The following DDHD1 variants were observed in gnomAD, a reference collection of about 807,000 sequenced individuals.
DDHD1 encodes the protein phospholipase DDHD1.
Under a neutral mutation model 96.4 loss-of-function variants are expected in DDHD1, and 49 were observed. The ratio of observed to expected loss-of-function variants is 0.51; its 90% CI spans 0.40 to 0.64. The LOEUF is 0.64. DDHD1 is among the 30% of genes least tolerant of loss of function. The pLI, the probability that DDHD1 is intolerant of heterozygous loss-of-function variation, is 0.00. For synonymous variants in DDHD1, 442 were observed against 446.5 expected, an observed-to-expected ratio of 0.99 and a Z score of 0.13; for missense variants, 1,106 against 1,161.2, an observed-to-expected ratio of 0.95 and a Z score of 0.69.
chr14:53,062,644 G>T (rs1883685662), intron 7 of DDHD1, among the ~76,000 whole-genome samples: 1 of 152,060 alleles, frequency 6.6e-6, no homozygotes. Context: ...TTTCAATAAG[G>T]ATTCTATGCA....
In DDHD1 at chr14:53,152,370, C is replaced by T. The variant is rs113642168; in HGVS notation, c.729G>A (p.Gly243=). Residue 243 remains glycine (G), a synonymous_variant, in exon 1 of 13, where the codon GGG becomes GGA. Coordinates refer to ENST00000673822, the MANE Select transcript of DDHD1 (RefSeq NM_001160148.2). ...CAAGCTCCACCATCTCCGGCTCGTG[C>T]CCCGTCGTACTCTGGCAGAAGCCGC... ...RACGFCQSTT[G]HEPEMVELVN... is the part of the protein sequence containing the mutation. 51 of 1,613,728 alleles carry T rather than the reference C, an allele frequency of 3.2e-5. No homozygotes were observed. The highest frequency in any genetic ancestry group is 4.1e-5 in the Non-Finnish European group (48 of 1,179,980).
chr14:53,055,813 T>C lies in DDHD1; in HGVS notation c.2092A>G (p.Met698Val). The C allele has an allele frequency of 1.9e-6, 3 of 1,614,118 alleles. No individual in the cohort carries two copies. Among genetic ancestry groups the C allele is most frequent in the South Asian group, 1.1e-5 (1 of 91,080 alleles). The change falls in exon 10 of 13, where the codon ATG becomes GTG. Residue 698 changes from methionine to valine, a missense_variant. Around this residue, in one of 2 missense-constraint regions of DDHD1, gnomAD observed 650 missense variants for 758.8 expected, o/e 0.86. Coordinates refer to ENST00000673822, the MANE Select transcript of DDHD1 (RefSeq NM_001160148.2). ...GCTGGGTTGAGAAAGCTTGGCTTCA[T>C]ATGTTCATAAGGTAAAGGATTTGAA... ...NTSNPLPYEH[M>V]KPSFLNPAKE...
Position 53,040,841 on chromosome 14 carries a change from A to G in DDHD1, c.*5927T>C, listed in dbSNP as rs1881596132. ...AGTAGTGTTAGAGAGAGTGAACATA[A>G]GAAGTCATAGGAGCTGAAAGAAAGG... On this transcript the variant is annotated 3_prime_UTR_variant, in exon 13 of 13. Transcript: ENST00000673822. 6.6e-6 allele frequency: 1 copy of G among 152,124 alleles called. No homozygotes were observed. The highest frequency in any genetic ancestry group is 1.5e-5 in the Non-Finnish European group (1 of 68,018). 9.4% of individuals were successfully genotyped at this position (152,124 alleles called of 1,614,324 possible). A position where few individuals can be genotyped will look rare whatever the true frequency, so the allele number is the denominator to read the frequency against.
At chr14:53,076,596 T>G (rs1595130135) in intron 4 of DDHD1, among the ~76,000 whole-genome samples, 1 of 152,176 alleles carries the variant, frequency 6.6e-6, no homozygotes, top group East Asian at 1.9e-4. Flanking sequence ...AATTTTCAAG[T>G]AAGTTCTACA....
intron 1 of DDHD1, among the ~76,000 whole-genome samples, chr14:53,116,751 A>C (rs991730089): frequency 6.6e-6 from 1 of 152,234 alleles, no homozygotes; most frequent in Non-Finnish European, 1.5e-5. Flanking sequence ...TATAGCACTA[A>C]ATACCCACAT....
chr14:53,149,074 C>T (rs536626631), intron 1 of DDHD1, among the ~76,000 whole-genome samples: 5 of 152,260 alleles, frequency 3.3e-5, no homozygotes, highest in Admixed American at 6.5e-5. Context: ...ATGTTTACTA[C>T]GATATTTTTT....
chr14:53,069,549 A>G (rs1884336835), intron 6 of DDHD1, among the ~76,000 whole-genome samples: 1 of 152,200 alleles, frequency 6.6e-6, no homozygotes, highest in Admixed American at 6.5e-5. Flanking sequence ...CCATAATTTT[A>G]TATGTACTGG....
At chr14:53,071,657 T>C (rs1884517262) in intron 6 of DDHD1, among the ~76,000 whole-genome samples, 1 of 152,144 alleles carries the variant, frequency 6.6e-6, no homozygotes, top group South Asian at 2.1e-4. Flanking sequence ...AAGTGACTTA[T>C]CTCACTTTCA....
In DDHD1 at chr14:53,091,814, G is replaced by C; in HGVS notation, c.1260C>G (p.Asp420Glu). The C allele has an allele frequency of 6.2e-7, 1 of 1,613,146 alleles. No individual in the cohort carries two copies. The highest frequency in any genetic ancestry group is 8.5e-7 in the Non-Finnish European group (1 of 1,179,566). The change falls in exon 4 of 13, where the codon GAC becomes GAG. Residue 420 changes from aspartate to glutamate, a missense_variant. Around this residue, in one of 2 missense-constraint regions of DDHD1, gnomAD observed 650 missense variants for 758.8 expected, o/e 0.86. Coordinates refer to ENST00000673822, the MANE Select transcript of DDHD1 (RefSeq NM_001160148.2). ...CTGTATTTTTGATAATTCTTCCTTGGTCCATTTTCTGCCCAATGCCATGCA... is the reference window on the plus strand; with the variant it reads ...CTGTATTTTTGATAATTCTTCCTTGCTCCATTTTCTGCCCAATGCCATGCA... ...FVVHGIGQKMDQGRIIKNTAM... is the reference protein window; with the variant it reads ...FVVHGIGQKMEQGRIIKNTAM...
chr14:53,112,932 A>C (rs1888217593), intron 1 of DDHD1, among the ~76,000 whole-genome samples: 1 of 152,168 alleles, frequency 6.6e-6, no homozygotes, highest in South Asian at 2.1e-4. Flanking sequence ...TTGGTAAAGA[A>C]ATATGTAATA....
chr14:53,073,396 C>A (rs1242192601), intron 5 of DDHD1, among the ~76,000 whole-genome samples: 1 of 151,656 alleles, frequency 6.6e-6, no homozygotes, highest in Non-Finnish European at 1.5e-5. Flanking sequence ...TTATGGAAAA[C>A]AAATATTTTT....
intron 7 of DDHD1, 116 bp from the exon 8 acceptor site, chr14:53,061,317 T>G: frequency 1.4e-6 from 1 of 725,914 alleles, no homozygotes; most frequent in Non-Finnish European, 2.1e-6. Context: ...TCCCTCACAT[T>G]AATCCTGGTT....
At chr14:53,070,725 C>A (rs56706772) in intron 6 of DDHD1, among the ~76,000 whole-genome samples, 1 of 152,018 alleles carries the variant, frequency 6.6e-6, no homozygotes, top group Non-Finnish European at 1.5e-5. Flanking sequence ...TTAATACATA[C>A]AAAATAAACC....
At chr14:53,085,920 G>A (rs1885907969) in intron 4 of DDHD1, among the ~76,000 whole-genome samples, 1 of 152,122 alleles carries the variant, frequency 6.6e-6, no homozygotes, top group South Asian at 2.1e-4. Flanking sequence ...TTAGATGAAT[G>A]GCTAACTAGA....
At chr14:53,145,449 A>C (rs1046812216) in intron 1 of DDHD1, among the ~76,000 whole-genome samples, 1 of 148,556 alleles carries the variant, frequency 6.7e-6, no homozygotes, top group Non-Finnish European at 1.5e-5. Flanking sequence ...GCTGCAGTGA[A>C]CTATGATCAC....
chr14:53,114,008 G>A (rs1043625055), intron 1 of DDHD1, among the ~76,000 whole-genome samples: 8 of 152,184 alleles, frequency 5.3e-5, no homozygotes, highest in African/African-American at 1.4e-4. Context: ...GTCTGAAGTC[G>A]ACCAGGGACA....
At chr14:53,049,227 A>G (rs1882316258) in intron 12 of DDHD1, among the ~76,000 whole-genome samples, 1 of 152,188 alleles carries the variant, frequency 6.6e-6, no homozygotes, top group Non-Finnish European at 1.5e-5. Flanking sequence ...CACTAACCAG[A>G]TTGACTCCAT....
chr14:53,052,046 T>C (rs375780430), intron 11 of DDHD1, 119 bp from the exon 12 acceptor site: 12 of 697,974 alleles, frequency 1.7e-5, no homozygotes, highest in East Asian at 2.7e-5. Flanking sequence ...AAATCTAGCA[T>C]ACATAAAGTA....
At chr14:53,134,860 C>T (rs1395964937) in intron 1 of DDHD1, among the ~76,000 whole-genome samples, 1 of 152,114 alleles carries the variant, frequency 6.6e-6, no homozygotes, top group African/African-American at 2.4e-5. Context: ...TCAATTCATA[C>T]AAAACTGCAT....
Sources: gnomAD v4.1 joint callset for allele counts (sites outside exome capture counted in the v4.1 genomes callset) on GRCh38, gnomAD v4.1.1 for gene constraint, gnomAD v4.1.1 regional missense constraint, MANE v1.5 for transcripts, NCBI Gene and HGNC (gene_info 2026-07-23, HGNC 2026-07-21) for gene names.